NPAS3: variants seen among roughly 807,000 people sequenced by gnomAD.
NPAS3 encodes the protein neuronal PAS domain protein 3, also known as neuronal PAS domain-containing protein 3.
Under a neutral mutation model 73.1 loss-of-function variants are expected in NPAS3, and 14 were observed. The ratio of observed to expected loss-of-function variants is 0.19; its 90% confidence interval spans 0.13 to 0.30. The LOEUF is 0.30. Ranked by LOEUF, NPAS3 falls within the 10% of genes least tolerant of loss-of-function variation. NPAS3 has a pLI of 1.00. For missense variants in NPAS3, 1,096 were observed against 1,250.0 expected, an observed-to-expected ratio of 0.88 and a Z score of 1.86; for synonymous variants, 620 against 541.5, an observed-to-expected ratio of 1.14 and a Z score of -2.01.
chr14:33,448,538 C>CTTGATACATAGCGCTGTGG, intron 4 of NPAS3, among the ~76,000 whole-genome samples: 1 of 152,282 alleles, frequency 6.6e-6, no homozygotes, highest in African/African-American at 2.4e-5. Flanking sequence ...ATGAACTGTG[C>CTTGATACATAGCGCTGTGG]TTGATACATA....
At chr14:33,019,002 AGGTTATTCATTTTAGAACTTG>A (rs2039494686) in intron 1 of NPAS3, among the ~76,000 whole-genome samples, 2 of 152,090 alleles carry the variant, frequency 1.3e-5, no homozygotes, top group South Asian at 4.1e-4. Flanking sequence ...GGACTTCATA[AGGTTATTCATTTTAGAACTTG>A]GGTTTTCTTT....
chr14:33,052,171 T>G (rs372703411), intron 1 of NPAS3, among the ~76,000 whole-genome samples: 3 of 152,320 alleles, frequency 2.0e-5, no homozygotes, highest in African/African-American at 7.2e-5. Flanking sequence ...TATAAGAAAG[T>G]ACCATCCCCA....
intron 3 of NPAS3, among the ~76,000 whole-genome samples, chr14:33,298,284 AAAAC>A (rs947144016): frequency 6.6e-6 from 1 of 152,172 alleles, no homozygotes; most frequent in Non-Finnish European, 1.5e-5. Context: ...CTCCATCTCA[AAAAC>A]AAACAGAGAT....
At chr14:33,496,392 C>CA (rs774633471) in intron 4 of NPAS3, among the ~76,000 whole-genome samples, 14 of 151,870 alleles carry the variant, frequency 9.2e-5, no homozygotes, top group Non-Finnish European at 1.8e-4. Context: ...AGAGACACAA[C>CA]AAAAAAAGAA....
At chr14:32,995,141 C>T (rs571639159) in intron 1 of NPAS3, among the ~76,000 whole-genome samples, 43 of 152,314 alleles carry the variant, frequency 2.8e-4, no homozygotes, top group Non-Finnish European at 3.5e-4. Flanking sequence ...AACCCTCATC[C>T]GTTGACCAGA....
intron 5 of NPAS3, among the ~76,000 whole-genome samples, chr14:33,661,351 G>T (rs1440281322): frequency 6.6e-6 from 1 of 152,146 alleles, no homozygotes; most frequent in Non-Finnish European, 1.5e-5. Context: ...AGTTATTATT[G>T]AGTGACCTTC....
chr14:33,776,448 C>T (rs772004204), intron 8 of NPAS3, among the ~76,000 whole-genome samples: 13 of 144,926 alleles, frequency 9.0e-5, no homozygotes, highest in African/African-American at 5.2e-5. Flanking sequence ...TCCATGGACC[C>T]GAGTGCCTCA....
chr14:33,083,243 A>T (rs2383437), intron 2 of NPAS3, among the ~76,000 whole-genome samples: 54,820 of 133,888 alleles, frequency 0.41, 13,826 homozygotes, highest in African/African-American at 0.65. Flanking sequence ...CCTCCACTCC[A>T]TGATAGCAGA....
At chr14:32,957,268 C>A (rs1309618233) in intron 1 of NPAS3, among the ~76,000 whole-genome samples, 1 of 151,946 alleles carries the variant, frequency 6.6e-6, no homozygotes, top group African/African-American at 2.4e-5. Context: ...ATATATTAAA[C>A]ATAGTGATAA....
chr14:33,682,099 TG>T (rs1450331465), intron 6 of NPAS3, among the ~76,000 whole-genome samples: 1 of 146,136 alleles, frequency 6.8e-6, no homozygotes, highest in Admixed American at 6.8e-5. Flanking sequence ...GAAATTAAAA[TG>T]TATAATTTAT....
intron 2 of NPAS3, among the ~76,000 whole-genome samples, chr14:33,140,431 A>G (rs1023066014): frequency 5.3e-5 from 8 of 152,174 alleles, no homozygotes; most frequent in African/African-American, 1.9e-4. Flanking sequence ...GTAGAACATC[A>G]GCAGGTGACC....
intron 5 of NPAS3, among the ~76,000 whole-genome samples, chr14:33,648,657 A>C: frequency 6.6e-6 from 1 of 152,152 alleles, no homozygotes; most frequent in Middle Eastern, 3.2e-3. Context: ...CATAGAGTTG[A>C]ACACATCCCA....
At chr14:33,766,871 T>C (rs1307754150) in intron 7 of NPAS3, among the ~76,000 whole-genome samples, 1 of 152,132 alleles carries the variant, frequency 6.6e-6, no homozygotes, top group African/African-American at 2.4e-5. Context: ...GAAGTCAGCT[T>C]TTCCCTGTTC....
intron 6 of NPAS3, among the ~76,000 whole-genome samples, chr14:33,697,328 A>G (rs778102678): frequency 6.6e-6 from 1 of 152,230 alleles, no homozygotes; most frequent in African/African-American, 2.4e-5. Flanking sequence ...CAGAGCTTAC[A>G]TAACAGAGAA....
At chr14:32,956,736 T>C (rs1297250849) in intron 1 of NPAS3, among the ~76,000 whole-genome samples, 1 of 152,212 alleles carries the variant, frequency 6.6e-6, no homozygotes, top group East Asian at 1.9e-4. Context: ...AAAATTTAAA[T>C]ACCAGTTTAT....
At chr14:33,487,389 A>C (rs970595063) in intron 4 of NPAS3, among the ~76,000 whole-genome samples, 2 of 152,180 alleles carry the variant, frequency 1.3e-5, no homozygotes, top group African/African-American at 4.8e-5. Flanking sequence ...TATCACATAA[A>C]ATCAGAAATA....
chr14:33,545,929 C>T (rs143289217), intron 4 of NPAS3, among the ~76,000 whole-genome samples: 220 of 152,318 alleles, frequency 1.4e-3, no homozygotes, highest in African/African-American at 5.0e-3. Context: ...CTGAAAGCCA[C>T]AGAATGTGCT....
intron 9 of NPAS3, among the ~76,000 whole-genome samples, chr14:33,783,479 A>G (rs2063043869): frequency 6.6e-6 from 1 of 151,954 alleles, no homozygotes; most frequent in African/African-American, 2.4e-5. Context: ...AAGCCAAGTC[A>G]GCCTTCATCG....
intron 5 of NPAS3, among the ~76,000 whole-genome samples, chr14:33,629,044 A>G (rs1385510744): frequency 6.6e-6 from 1 of 152,058 alleles, no homozygotes; most frequent in East Asian, 1.9e-4. Flanking sequence ...ATCCTGGCTA[A>G]CACGGTGAAA....
Sources: allele counts gnomAD v4.1 joint callset (sites outside exome capture counted in the v4.1 genomes callset), GRCh38; gene constraint gnomAD v4.1.1; transcripts MANE v1.5; gene names NCBI Gene and HGNC (gene_info 2026-07-23, HGNC 2026-07-21).